Variants in SMAP1 observed in about 807,000 individuals in gnomAD.
SMAP1 encodes the protein stromal membrane-associated protein 1.
A neutral mutation model predicts 58.5 loss-of-function variants in SMAP1; 24 were observed. That is an observed-to-expected ratio of 0.41 (90% CI 0.30 to 0.58). SMAP1 has a LOEUF of 0.58. Ranked by LOEUF, SMAP1 falls within the 20% of genes least tolerant of loss-of-function variation. The pLI, the probability that SMAP1 is intolerant of heterozygous loss-of-function variation, is 0.29. For missense variants in SMAP1, 563 were observed against 566.3 expected, an observed-to-expected ratio of 0.99 and a Z score of 0.06; for synonymous variants, 216 against 196.6, an observed-to-expected ratio of 1.10 and a Z score of -0.82.
At chr6:70,827,885 TAAGA>T (rs1318141893) in intron 6 of SMAP1, among the ~76,000 whole-genome samples, 1 of 152,166 alleles carries the variant, frequency 6.6e-6, no homozygotes, top group East Asian at 1.9e-4. Flanking sequence ...AAATACAATT[TAAGA>T]AAGAATATTA....
At chr6:70,837,310 C>T (rs957658393) in intron 7 of SMAP1, among the ~76,000 whole-genome samples, 6 of 152,120 alleles carry the variant, frequency 3.9e-5, no homozygotes, top group Non-Finnish European at 5.9e-5. Flanking sequence ...GACATTTTAG[C>T]GCTTACAATA....
intron 4 of SMAP1, among the ~76,000 whole-genome samples, chr6:70,780,150 TGTATATACC>T (rs1415354902): frequency 6.6e-6 from 1 of 152,020 alleles, no homozygotes; most frequent in Non-Finnish European, 1.5e-5. Context: ...TTATACAGAG[TGTATATACC>T]AGGGGGTGGA....
intron 6 of SMAP1, among the ~76,000 whole-genome samples, chr6:70,811,965 G>A (rs1373733717): frequency 1.3e-5 from 2 of 152,214 alleles, no homozygotes; most frequent in Non-Finnish European, 2.9e-5. Context: ...CAGGTGGGTA[G>A]CGTATAAAGC....
intron 6 of SMAP1, among the ~76,000 whole-genome samples, 164 bp downstream of exon 6, chr6:70,798,901 CTG>C (rs756203710): frequency 3.9e-5 from 6 of 152,140 alleles, no homozygotes; most frequent in South Asian, 2.1e-4. Flanking sequence ...TAGCTTGTCT[CTG>C]TATTATTTGT....
rs1465353699 is a variant in SMAP1, at chr6:70,804,415, C to T, written c.576+5678C>T. Among the ~76,000 whole-genome samples, 4 of 151,762 alleles carry T rather than the reference C, an allele frequency of 2.6e-5. No individual in the cohort carries two copies. In the East Asian group the frequency reaches 5.8e-4, roughly 22 times the overall value. ...GCAGGTGAGATGGGTCTCCTGAATA[C>T]AGCACGCTGATGGTGATGGGTTTTG... is the stretch of plus-strand genomic sequence containing the variant. On this transcript the variant is annotated intron_variant, in intron 6 of 10. Transcript: ENST00000370455.
intron 6 of SMAP1, among the ~76,000 whole-genome samples, chr6:70,820,534 G>A (rs927169065): frequency 1.2e-4 from 18 of 151,914 alleles, no homozygotes; most frequent in African/African-American, 3.9e-4. Context: ...ATGAAACCCC[G>A]TCTCTACTAA....
chr6:70,820,353 T>G (rs1308337453), intron 6 of SMAP1, among the ~76,000 whole-genome samples: 1 of 152,080 alleles, frequency 6.6e-6, no homozygotes, highest in Non-Finnish European at 1.5e-5. Context: ...AAAAGGAAAC[T>G]CTTTAATTTG....
chr6:70,729,380 A>T (rs1490864782), intron 1 of SMAP1, among the ~76,000 whole-genome samples: 1 of 149,732 alleles, frequency 6.7e-6, no homozygotes, highest in Non-Finnish European at 1.5e-5. Flanking sequence ...TGGAGCTTGC[A>T]GTGAGCCGAG....
At chr6:70,835,251 CAA>C (rs778677881) in intron 6 of SMAP1, among the ~76,000 whole-genome samples, 11 of 57,930 alleles carry the variant, frequency 1.9e-4, no homozygotes, top group African/African-American at 4.4e-4. Flanking sequence ...GACTCCGTCT[CAA>C]AAAAAAAAAA....
chr6:70,739,111 A>C (rs1765722075), intron 2 of SMAP1, among the ~76,000 whole-genome samples: 1 of 152,182 alleles, frequency 6.6e-6, no homozygotes, highest in African/African-American at 2.4e-5. Flanking sequence ...ATTTTACATG[A>C]GATGTGCAAG....
Position 70,798,668 on chromosome 6 carries a change from A to T in SMAP1, c.507A>T (p.Glu169Asp). The change falls in exon 6 of 11, where the codon GAA becomes GAT. Residue 169 changes from glutamate (E) to aspartate (D), a missense_variant. Physicochemically the swap from Glu to Asp is conservative, Grantham distance 45. Around this residue, in one of 3 missense-constraint regions of SMAP1, gnomAD observed 494 missense variants for 473.8 expected, o/e 1.04. Transcript: ENST00000370455. ...VDKNKLEKEK[E>D]KKKEEKKREK... is the part of the protein sequence containing the mutation. ...GGGCTGTGTTTTAGAAAGAAAAGGA[A>T]AAAAAAAAGGAAGAGAAAAAGAGAG... 2 of 1,527,598 alleles carry T rather than the reference A, an allele frequency of 1.3e-6. No homozygotes were observed. The highest frequency in any genetic ancestry group is 1.8e-6 in the Non-Finnish European group (2 of 1,138,564). 94.6% of individuals were successfully genotyped at this position (1,527,598 alleles called of 1,614,324 possible). A position where few individuals can be genotyped will look rare whatever the true frequency, so the allele number is the denominator to read the frequency against.
intron 6 of SMAP1, among the ~76,000 whole-genome samples, chr6:70,814,806 TA>T: frequency 6.6e-6 from 1 of 152,262 alleles, no homozygotes; most frequent in African/African-American, 2.4e-5. Context: ...GGTGGTAGAT[TA>T]AATGTTACCA....
At position 70,737,029 on chromosome 6, in the gene SMAP1, G is replaced by A. The variant is rs75464999; in HGVS notation, c.252+4518G>A. On this transcript the variant is annotated intron_variant, in intron 2 of 10. Transcript: ENST00000370455. The stretch of plus-strand genomic sequence containing the variant: ...ATTTGTCTTTGACCTTACTTCAGAT[G>A]CTTTACAACAAATAGCTTTGGCTGT... 2.0e-3 allele frequency among the ~76,000 whole-genome samples: 304 copies of A among 152,300 alleles called. 2 individuals are homozygous for A. The highest frequency in any genetic ancestry group is 7.1e-3 in the African/African-American group (294 of 41,568).
intron 3 of SMAP1, among the ~76,000 whole-genome samples, chr6:70,762,874 A>G (rs568267539): frequency 6.6e-6 from 1 of 152,122 alleles, no homozygotes; most frequent in South Asian, 2.1e-4. Context: ...AATTATTTAT[A>G]TAAAATACAT....
intron 4 of SMAP1, among the ~76,000 whole-genome samples, chr6:70,787,765 A>G (rs566211065): frequency 2.6e-4 from 40 of 151,870 alleles, no homozygotes; most frequent in African/African-American, 9.4e-4. Flanking sequence ...GTCTCACACC[A>G]GTTAGAATGG....
intron 7 of SMAP1, chr6:70,837,951 A>G (rs963708280): frequency 3.6e-6 from 4 of 1,105,272 alleles, no homozygotes; most frequent in Non-Finnish European, 3.4e-6. Context: ...AAGCTGGTAC[A>G]TCGTACAAAT....
intron 2 of SMAP1, among the ~76,000 whole-genome samples, chr6:70,747,355 G>A (rs896378319): frequency 2.0e-5 from 3 of 152,304 alleles, no homozygotes; most frequent in South Asian, 2.1e-4. Context: ...AAAGCATGTC[G>A]TGTTTGAGAA....
At chr6:70,810,888 A>C (rs1329894558) in intron 6 of SMAP1, among the ~76,000 whole-genome samples, 1 of 152,146 alleles carries the variant, frequency 6.6e-6, no homozygotes, top group Non-Finnish European at 1.5e-5. Flanking sequence ...CTTTACTAAC[A>C]TTCCATCAAA....
intron 2 of SMAP1, among the ~76,000 whole-genome samples, chr6:70,747,120 A>G (rs1766076187): frequency 6.6e-6 from 1 of 152,318 alleles, no homozygotes; most frequent in Middle Eastern, 3.4e-3. Flanking sequence ...CTGGCCTGGG[A>G]CTGTAGAACT....
Sources: gnomAD v4.1 joint callset for allele counts (sites outside exome capture counted in the v4.1 genomes callset) on GRCh38, gnomAD v4.1.1 for gene constraint, gnomAD v4.1.1 regional missense constraint, MANE v1.5 for transcripts, NCBI Gene and HGNC (gene_info 2026-07-23, HGNC 2026-07-21) for gene names.